The following AGBL4 variants were observed in gnomAD, a reference collection of about 807,000 sequenced individuals.
AGBL4 encodes AGBL carboxypeptidase 4.
A neutral mutation model predicts 66.4 loss-of-function variants in AGBL4; 58 were observed. That is an observed-to-expected ratio of 0.87 (90% CI 0.71 to 1.09). The LOEUF is 1.09. Among genes scored for constraint, AGBL4 ranks in the 50% least tolerant of loss-of-function variants. The pLI is 0.00. For synonymous variants in AGBL4, 234 were observed against 222.9 expected, an observed-to-expected ratio of 1.05 and a Z score of -0.44; for missense variants, 579 against 631.0, an observed-to-expected ratio of 0.92 and a Z score of 0.88.
chr1:49,728,466 G>C (rs1278693539), intron 2 of AGBL4, among the ~76,000 whole-genome samples: 1 of 152,194 alleles, frequency 6.6e-6, no homozygotes, highest in East Asian at 1.9e-4. Flanking sequence ...CCAGCTTGCA[G>C]TGCCTTCTTA....
chr1:50,004,113 T>C (rs142822031), intron 1 of AGBL4, among the ~76,000 whole-genome samples: 121 of 152,292 alleles, frequency 7.9e-4, no homozygotes, highest in African/African-American at 2.8e-3. Flanking sequence ...AGAAAAAGAA[T>C]CTTTGCGCAC....
At chr1:48,874,687 G>A (rs1235164360) in intron 5 of AGBL4, among the ~76,000 whole-genome samples, 1 of 152,132 alleles carries the variant, frequency 6.6e-6, no homozygotes, top group African/African-American at 2.4e-5. Context: ...AGTGGGGCCT[G>A]TAATTATGTC....
intron 11 of AGBL4, among the ~76,000 whole-genome samples, chr1:48,568,291 TTCTCTCTCTCTC>T (rs151060894): frequency 6.7e-6 from 1 of 148,332 alleles, no homozygotes; most frequent in Non-Finnish European, 1.5e-5. Context: ...AACAACACTC[TTCTCTCTCTCTC>T]TCTCTCTCTC....
At chr1:49,200,991 T>C (rs1647654725) in intron 4 of AGBL4, among the ~76,000 whole-genome samples, 1 of 152,142 alleles carries the variant, frequency 6.6e-6, no homozygotes, top group Admixed American at 6.6e-5. Flanking sequence ...GCCACCTCAT[T>C]AACATACAAA....
chr1:48,923,185 G>C (rs1254068874), intron 5 of AGBL4, among the ~76,000 whole-genome samples: 1 of 152,002 alleles, frequency 6.6e-6, no homozygotes, highest in Non-Finnish European at 1.5e-5. Flanking sequence ...CCATTTTATG[G>C]ATAAATAAAT....
At chr1:49,713,487 T>A (rs886840716) in intron 2 of AGBL4, among the ~76,000 whole-genome samples, 3 of 152,068 alleles carry the variant, frequency 2.0e-5, no homozygotes, top group Non-Finnish European at 2.9e-5. Flanking sequence ...TAGTAATATA[T>A]CCACATTATT....
chr1:49,509,203 G>A (rs1413449313), intron 3 of AGBL4, among the ~76,000 whole-genome samples: 5 of 151,776 alleles, frequency 3.3e-5, no homozygotes, highest in African/African-American at 1.2e-4. Context: ...GGCAGCCAGA[G>A]ATACAAGGAG....
chr1:49,423,806 G>A (rs1487766026), intron 3 of AGBL4, among the ~76,000 whole-genome samples: 4 of 37,488 alleles, frequency 1.1e-4, no homozygotes, highest in East Asian at 1.2e-3. Context: ...AGTAAGACTC[G>A]GCCAAAAAAA....
intron 5 of AGBL4, among the ~76,000 whole-genome samples, chr1:48,897,842 G>A (rs1206062997): frequency 3.1e-5 from 4 of 128,254 alleles, no homozygotes; most frequent in African/African-American, 1.2e-4. Flanking sequence ...ACGGAGTCTC[G>A]CTCTGTCACC....
chr1:48,733,890 G>C (rs758551766), intron 6 of AGBL4, among the ~76,000 whole-genome samples: 20 of 152,178 alleles, frequency 1.3e-4, no homozygotes, highest in Admixed American at 2.0e-4. Flanking sequence ...CCACAGAGAT[G>C]AATCAGATAC....
intron 1 of AGBL4, among the ~76,000 whole-genome samples, chr1:49,900,846 C>A (rs1405931201): frequency 6.6e-6 from 1 of 152,188 alleles, no homozygotes; most frequent in Non-Finnish European, 1.5e-5. Context: ...TTTAAACACA[C>A]ATGTAAATGT....
intron 4 of AGBL4, among the ~76,000 whole-genome samples, chr1:49,102,767 T>G (rs1479994644): frequency 6.6e-6 from 1 of 152,302 alleles, no homozygotes; most frequent in Non-Finnish European, 1.5e-5. Context: ...AACTGAGTTG[T>G]GACAAGCCAT....
intron 3 of AGBL4, among the ~76,000 whole-genome samples, chr1:49,254,634 T>G (rs1013684235): frequency 1.3e-5 from 2 of 152,130 alleles, no homozygotes; most frequent in Non-Finnish European, 2.9e-5. Flanking sequence ...AAACTACCAT[T>G]GAGATTCTTC....
At chr1:49,404,251 C>G (rs941653549) in intron 3 of AGBL4, among the ~76,000 whole-genome samples, 2 of 152,050 alleles carry the variant, frequency 1.3e-5, no homozygotes, top group Non-Finnish European at 2.9e-5. Flanking sequence ...GATTAGTGTC[C>G]TTATAGGAAA....
At chr1:49,035,205 T>C (rs979845105) in intron 5 of AGBL4, among the ~76,000 whole-genome samples, 6 of 152,096 alleles carry the variant, frequency 3.9e-5, no homozygotes, top group Non-Finnish European at 5.9e-5. Context: ...GTGTAAGATA[T>C]TAACATTAGA....
chr1:49,574,200 G>A (rs993201969), intron 3 of AGBL4, among the ~76,000 whole-genome samples: 2 of 152,154 alleles, frequency 1.3e-5, no homozygotes, highest in South Asian at 2.1e-4. Flanking sequence ...CAGAAATCTG[G>A]AGAACAGGCA....
downstream of AGBL4, among the ~76,000 whole-genome samples, chr1:48,528,156 G>A (rs1643889297): frequency 1.3e-5 from 2 of 152,162 alleles, no homozygotes; most frequent in Admixed American, 1.3e-4. Context: ...TTAGCAAGCG[G>A]TGGAGCTGAA....
intron 4 of AGBL4, among the ~76,000 whole-genome samples, chr1:49,129,271 C>T (rs986189667): frequency 2.7e-5 from 4 of 149,824 alleles, no homozygotes; most frequent in Non-Finnish European, 4.5e-5. Context: ...AAAGAATGTA[C>T]TAATGACTGT....
chr1:49,386,265 A>ATGTG lies in AGBL4; in HGVS notation c.283-140405_283-140402dup, dbSNP rs35497867. 6.5e-4 allele frequency among the ~76,000 whole-genome samples: 97 copies of ATGTG among 148,600 alleles called. No individual in the cohort carries two copies. In the East Asian group the frequency reaches 8.2e-3, roughly 12 times the overall value. ...ATATATTTTTTGGATGGATGGATGG[A>ATGTG]TGTGTGTGTGTGTGTGTGTGTGTGT... On this transcript the variant is annotated intron_variant, in intron 3 of 13. Coordinates refer to ENST00000371839, the MANE Select transcript of AGBL4 (RefSeq NM_032785.4).
Sources: gnomAD v4.1 joint callset for allele counts (sites outside exome capture counted in the v4.1 genomes callset) on GRCh38, gnomAD v4.1.1 for gene constraint, MANE v1.5 for transcripts, NCBI Gene and HGNC (gene_info 2026-07-23, HGNC 2026-07-21) for gene names.